MAPRE2: variants seen among roughly 807,000 people sequenced by gnomAD.
The protein encoded by MAPRE2 is microtubule associated protein RP/EB family member 2, also known as microtubule-associated protein RP/EB family member 2.
In MAPRE2, 13 loss-of-function variants were observed where a neutral mutation model predicts 43.2. The ratio of observed to expected loss-of-function variants is 0.30; its 90% CI spans 0.20 to 0.48. The LOEUF (loss-of-function observed/expected upper bound fraction) is 0.48. MAPRE2 is among the 20% of genes least tolerant of loss of function. The probability of loss-of-function intolerance (pLI) is 0.99; values close to 1 mark genes in which losing one functional copy is unlikely to be tolerated. For missense variants in MAPRE2, 161 were observed against 400.2 expected (o/e 0.40, Z 5.10); for synonymous variants, 135 against 148.8 (o/e 0.91, Z 0.68).
At chr18:35,067,374 T>G (rs1196947150) in intron 1 of MAPRE2, among the ~76,000 whole-genome samples, 2 of 152,218 alleles carry the variant, frequency 1.3e-5, no homozygotes, top group African/African-American at 4.8e-5. Flanking sequence ...AAAGTGTGAT[T>G]TATTGACAAA....
intron 5 of MAPRE2, among the ~76,000 whole-genome samples, chr18:35,129,590 A>G (rs1910057191): frequency 6.6e-6 from 1 of 152,240 alleles, no homozygotes; most frequent in Non-Finnish European, 1.5e-5. Context: ...CGTTCTGTAT[A>G]GTGGGTTAGC....
chr18:34,984,659 C>T (rs1473702831), intron 1 of MAPRE2, among the ~76,000 whole-genome samples: 2 of 149,794 alleles, frequency 1.3e-5, no homozygotes, highest in Non-Finnish European at 3.0e-5. Flanking sequence ...GTATAACTCC[C>T]ATGCTGACTG....
In MAPRE2 at chr18:35,112,321, G is replaced by A. The variant is rs1370341857; in HGVS notation, c.610+10162G>A. 7.2e-5 allele frequency among the ~76,000 whole-genome samples: 11 copies of A among 152,020 alleles called. No individual in the cohort carries two copies. In the East Asian group the frequency reaches 7.8e-4, roughly 11 times the overall value. ...CGAGTAGCTGGGATTACAGGCATGCGCCACCATGCTTGGCTAATTTTGTAT... is the reference window on the plus strand; with the variant it reads ...CGAGTAGCTGGGATTACAGGCATGCACCACCATGCTTGGCTAATTTTGTAT... On this transcript the variant is annotated intron_variant, in intron 4 of 6. Coordinates refer to ENST00000300249, the MANE Select transcript of MAPRE2 (RefSeq NM_014268.4).
Position 35,014,669 on chromosome 18 carries a change from G to T in MAPRE2, c.-8+9116G>T, listed in dbSNP as rs530806177. Among the ~76,000 whole-genome samples the T allele has an allele frequency of 2.4e-4, 36 of 152,212 alleles. No individual in the cohort carries two copies. In the South Asian group the frequency reaches 4.4e-3, roughly 18 times the overall value. On this transcript the variant is annotated intron_variant, in intron 2 of 7. Transcript: ENST00000413393. The stretch of plus-strand genomic sequence containing the variant: ...TCTCCAGGGCCCTCTGTTGACTACA[G>T]AGATTATTGGGGACCAACCTTAATT...
At chr18:35,006,948 G>C (rs2097032139) in intron 2 of MAPRE2, among the ~76,000 whole-genome samples, 1 of 152,206 alleles carries the variant, frequency 6.6e-6, no homozygotes, top group Admixed American at 6.5e-5. Context: ...GGGTGACAGA[G>C]CAAGACTCCA....
At position 35,070,348 on chromosome 18, in the gene MAPRE2, A is replaced by G. The variant is rs758459062; in HGVS notation, c.250+26A>G. The G allele has an allele frequency of 1.9e-6, 3 of 1,563,224 alleles. No homozygotes were observed. In the Admixed American group the frequency reaches 5.9e-5, roughly 30 times the overall value. ...GTAAGACATATTCTTTTAAGTGTTT[A>G]CCTAAATATTTACAGTCTGTCATGT... On this transcript the variant is annotated intron_variant, in intron 2 of 6. Transcript: ENST00000300249.
At chr18:34,993,752 C>T (rs937485732) in intron 1 of MAPRE2, among the ~76,000 whole-genome samples, 3 of 152,186 alleles carry the variant, frequency 2.0e-5, no homozygotes, top group African/African-American at 7.2e-5. Flanking sequence ...GACACTTTCT[C>T]ACTCCTGATG....
chr18:35,140,402 G>A lies in MAPRE2; in HGVS notation c.*33G>A, dbSNP rs1239583737. 4 of 1,569,150 alleles carry A rather than the reference G, an allele frequency of 2.5e-6. No homozygotes were observed. Among genetic ancestry groups the A allele is most frequent in the South Asian group, 1.2e-5 (1 of 86,094 alleles). ...CGGCTGCTCTTGACACTTCCATTGTGTGTGGGAACGTTTCTTCTGGAGAAT... is the reference window on the plus strand; with the variant it reads ...CGGCTGCTCTTGACACTTCCATTGTATGTGGGAACGTTTCTTCTGGAGAAT... On this transcript the variant is annotated 3_prime_UTR_variant, in exon 7 of 7. Transcript: ENST00000300249.
At chr18:34,985,244 A>G (rs2097019060) in intron 1 of MAPRE2, among the ~76,000 whole-genome samples, 1 of 60,956 alleles carries the variant, frequency 1.6e-5, no homozygotes. Context: ...ATTATATAAT[A>G]TAAAATATAT....
At chr18:35,035,295 A>T (rs1400174881) in intron 2 of MAPRE2, among the ~76,000 whole-genome samples, 1 of 147,558 alleles carries the variant, frequency 6.8e-6, no homozygotes, top group Non-Finnish European at 1.5e-5. Flanking sequence ...TCTCACTCGT[A>T]GGTGGGAATT....
intron 1 of MAPRE2, among the ~76,000 whole-genome samples, chr18:35,061,624 G>C (rs1341455546): frequency 6.6e-6 from 1 of 152,170 alleles, no homozygotes; most frequent in Non-Finnish European, 1.5e-5. Context: ...GACAATAAAT[G>C]ACTTCTTAAA....
intron 2 of MAPRE2, among the ~76,000 whole-genome samples, chr18:35,084,515 A>C (rs1480430327): frequency 6.6e-6 from 1 of 152,188 alleles, no homozygotes; most frequent in Non-Finnish European, 1.5e-5. Flanking sequence ...GCTCTTAAAA[A>C]TCTGCCTCTC....
intron 1 of MAPRE2, among the ~76,000 whole-genome samples, chr18:35,052,987 A>C (rs182451040): frequency 6.7e-6 from 1 of 148,184 alleles, no homozygotes; most frequent in Admixed American, 7.0e-5. Context: ...TTATATTCTT[A>C]ACTTGAATAT....
At chr18:35,090,641 A>T (rs1908098996) in intron 2 of MAPRE2, among the ~76,000 whole-genome samples, 1 of 151,902 alleles carries the variant, frequency 6.6e-6, no homozygotes, top group South Asian at 2.1e-4. Context: ...CTGAGGCAGA[A>T]GAATCGCTTC....
chr18:35,112,032 A>G (rs1569008170), intron 4 of MAPRE2, among the ~76,000 whole-genome samples: 1 of 152,232 alleles, frequency 6.6e-6, no homozygotes, highest in African/African-American at 2.4e-5. Flanking sequence ...GTCTTTAAGG[A>G]TCAAATATTA....
chr18:35,109,785 A>G (rs1013494527), intron 4 of MAPRE2, among the ~76,000 whole-genome samples: 5 of 152,022 alleles, frequency 3.3e-5, no homozygotes, highest in African/African-American at 1.2e-4. Context: ...TTACTGTTTA[A>G]TTGGAGTGTC....
At chr18:35,109,119 C>T (rs960807813) in intron 4 of MAPRE2, among the ~76,000 whole-genome samples, 10 of 152,106 alleles carry the variant, frequency 6.6e-5, no homozygotes, top group African/African-American at 2.4e-4. Flanking sequence ...AGTCTTTAAT[C>T]CATCTTGAGT....
chr18:35,013,199 TG>T (rs1286302948), intron 2 of MAPRE2, among the ~76,000 whole-genome samples: 1 of 151,720 alleles, frequency 6.6e-6, no homozygotes, highest in African/African-American at 2.4e-5. Context: ...AATTGAGAAG[TG>T]GAAAGGGCAG....
intron 1 of MAPRE2, among the ~76,000 whole-genome samples, chr18:35,059,451 G>T (rs1212369088): frequency 1.3e-5 from 2 of 152,156 alleles, no homozygotes; most frequent in African/African-American, 4.8e-5. Context: ...GCACACCTTT[G>T]TTTGCATTCA....
Sources: allele counts gnomAD v4.1 joint callset (sites outside exome capture counted in the v4.1 genomes callset), GRCh38; gene constraint gnomAD v4.1.1; transcripts MANE v1.5; gene names NCBI Gene and HGNC (gene_info 2026-07-23, HGNC 2026-07-21).